BCL10: variants seen among roughly 807,000 people sequenced by gnomAD.
BCL10 encodes BCL10 immune signaling adaptor, also known as B-cell lymphoma/leukemia 10.
Under a neutral mutation model 19.2 loss-of-function variants are expected in BCL10, and 5 were observed. That is an observed-to-expected ratio of 0.26 (90% CI 0.14 to 0.55). BCL10 has a LOEUF of 0.55. Ranked by LOEUF, BCL10 falls within the 20% of genes least tolerant of loss-of-function variation. The pLI is 0.94. For synonymous variants in BCL10, 110 were observed against 98.8 expected (o/e 1.11, Z -0.67); for missense variants, 201 against 271.9 (o/e 0.74, Z 1.83).
At chr1:85,272,664 A>G (rs1395161324) in intron 1 of BCL10, among the ~76,000 whole-genome samples, 2 of 152,198 alleles carry the variant, frequency 1.3e-5, no homozygotes, top group Admixed American at 1.3e-4. Context: ...ATGGCTCTAA[A>G]GTTGGATCAA....
intron 1 of BCL10, among the ~76,000 whole-genome samples, chr1:85,271,222 A>T (rs1386007499): frequency 3.3e-5 from 5 of 152,218 alleles, no homozygotes; most frequent in Non-Finnish European, 7.3e-5. Context: ...GGGAGTAAAG[A>T]TGAGGGCAAA....
At position 85,276,416 on chromosome 1, in the gene BCL10, G is replaced by A. The variant is rs1164915528; in HGVS notation, c.-64C>T. ...GCTCGGGCTGCGCCGCCCCGCCCTG[G>A]CTGGGGGCTTCGGCCTCCGGGTAAT... On this transcript the variant is annotated 5_prime_UTR_variant, in exon 1 of 3. Transcript: ENST00000648566. The A allele has an allele frequency of 3.8e-6, 6 of 1,578,842 alleles. No individual in the cohort carries two copies. Among genetic ancestry groups the A allele is most frequent in the African/African-American group, 1.3e-5 (1 of 74,296 alleles).
chr1:85,267,549 G>T lies in BCL10; in HGVS notation c.*78C>A. On this transcript the variant is annotated 3_prime_UTR_variant, in exon 3 of 3. Coordinates refer to ENST00000648566, the MANE Select transcript of BCL10 (RefSeq NM_003921.5). ...AGACATGCATCAAATGTAAACAAAT[G>T]ATTACAGCCATTTTATAAAAAGTCA... 2 of 1,204,776 alleles carry T rather than the reference G, an allele frequency of 1.7e-6. No homozygotes were observed. Among genetic ancestry groups the T allele is most frequent in the South Asian group, 1.6e-5 (1 of 62,742 alleles). 74.6% of individuals were successfully genotyped at this position (1,204,776 alleles called of 1,614,324 possible).
chr1:85,267,969 G>C lies in BCL10; in HGVS notation c.360C>G (p.Ser120Arg). The change falls in exon 3 of 3, where the codon AGC becomes AGG. Residue 120 changes from serine to arginine, a missense_variant. Ser to Arg is a moderately radical substitution (Grantham distance 110, BLOSUM62 -1). Around this residue, in one of 3 missense-constraint regions of BCL10, gnomAD observed 126 missense variants for 136.6 expected, o/e 0.92. Coordinates refer to ENST00000648566, the MANE Select transcript of BCL10 (RefSeq NM_003921.5). ...KLEHLKGLKCSSCEPFPDGAT... is the reference protein window; with the variant it reads ...KLEHLKGLKCRSCEPFPDGAT... ...CTCCATCTGGAAAAGGTTCACAACT[G>C]CTACATTTTAGTCCTACAATAAAAT... is the stretch of plus-strand genomic sequence containing the variant. 1 of 1,556,888 alleles carries C rather than the reference G, an allele frequency of 6.4e-7. No homozygotes were observed. The highest frequency in any genetic ancestry group is 8.7e-7 in the Non-Finnish European group (1 of 1,152,164).
Position 85,270,075 on chromosome 1 carries a change from A to T in BCL10, c.346+543T>A, listed in dbSNP as rs567211151. ...CTTGAATAGATTAACTTTACATTCT[A>T]CTGACTTTAGAAACAAATCCTTATG... On this transcript the variant is annotated intron_variant, in intron 2 of 2. Coordinates refer to ENST00000648566, the MANE Select transcript of BCL10 (RefSeq NM_003921.5). Among the ~76,000 whole-genome samples the T allele has an allele frequency of 9.3e-4, 141 of 152,324 alleles. 1 individual carries two copies. In the Middle Eastern group the frequency reaches 0.01, roughly 11 times the overall value.
intron 1 of BCL10, among the ~76,000 whole-genome samples, chr1:85,272,079 A>T (rs1660381526): frequency 6.6e-6 from 1 of 152,158 alleles, no homozygotes; most frequent in Non-Finnish European, 1.5e-5. Flanking sequence ...AATACAGGAA[A>T]AGCACAGAGT....
rs1217774931 is a variant in BCL10 at position 85,267,849 on chromosome 1, G to A, written c.480C>T (p.Ser160=). 1 of 1,614,206 alleles carries A rather than the reference G, an allele frequency of 6.2e-7. No individual in the cohort carries two copies. Among genetic ancestry groups the A allele is most frequent in the Non-Finnish European group, 8.5e-7 (1 of 1,180,042 alleles). ...STVMYHPEGE[S]STTPFFSTNS... is the part of the protein sequence containing the mutation. ...TAGTAGAAAAAAAGGGCGTCGTGCT[G>A]GATTCTCCTTCTGGATGGTACATGA... Residue 160 remains serine, a synonymous_variant, in exon 3 of 3, where the codon TCC becomes TCT. Transcript: ENST00000648566.
In BCL10 at chr1:85,276,436, G is replaced by C; in HGVS notation, c.-84C>G. 2.0e-6 allele frequency: 3 copies of C among 1,486,066 alleles called. No homozygotes were observed. The highest frequency in any genetic ancestry group is 2.8e-6 in the Non-Finnish European group (3 of 1,067,808). The allele number at this position is 1,486,066 out of a possible 1,614,324, so 92.1% of individuals were successfully genotyped here. A position where few individuals can be genotyped will look rare whatever the true frequency, so the allele number is the denominator to read the frequency against. On this transcript the variant is annotated 5_prime_UTR_variant, in exon 1 of 3. Coordinates refer to ENST00000648566, the MANE Select transcript of BCL10 (RefSeq NM_003921.5). ...CCCTGGCTGGGGGCTTCGGCCTCCG[G>C]GTAATGGGGAAGAAGGAGAGGAGGC...
rs531677430 is a variant in BCL10 at position 85,266,527 on chromosome 1, A to T, written c.*1100T>A. 7 of 185,962 alleles carry T rather than the reference A, an allele frequency of 3.8e-5. 1 individual carries two copies. The highest frequency in any genetic ancestry group is 1.6e-4 in the African/African-American group (7 of 42,802). The allele number at this position is 185,962 out of a possible 1,614,324, so 11.5% of individuals were successfully genotyped here. On this transcript the variant is annotated 3_prime_UTR_variant, in exon 3 of 3. Coordinates refer to ENST00000648566, the MANE Select transcript of BCL10 (RefSeq NM_003921.5). ...AATTTGTTCCAGTTATTTCAACTGT[A>T]CATTGGTCCTCATTAAAAGAGAATG...
At position 85,267,707 on chromosome 1, in the gene BCL10, G is replaced by T; in HGVS notation, c.622C>A (p.Gln208Lys). 4 of 1,614,198 alleles carry T rather than the reference G, an allele frequency of 2.5e-6. No homozygotes were observed. The highest frequency in any genetic ancestry group is 3.4e-6 in the Non-Finnish European group (4 of 1,180,024). ...GCACAAGTTCCTTCTTCTTCTAACTGTAGATCTGGTGGCAAAGGAGGAGCC... is the reference window on the plus strand; with the variant it reads ...GCACAAGTTCCTTCTTCTTCTAACTTTAGATCTGGTGGCAAAGGAGGAGCC... ...PGAPPLPPDL[Q>K]LEEEGTCANS... Residue 208 changes from glutamine (Q) to lysine (K), a missense_variant, in exon 3 of 3, where the codon CAG becomes AAG. Around this residue, in one of 3 missense-constraint regions of BCL10, gnomAD observed 126 missense variants for 136.6 expected, o/e 0.92. Coordinates refer to ENST00000648566, the MANE Select transcript of BCL10 (RefSeq NM_003921.5).
At chr1:85,268,944 G>C (rs1387008312) in intron 2 of BCL10, among the ~76,000 whole-genome samples, 2 of 152,204 alleles carry the variant, frequency 1.3e-5, no homozygotes, top group Admixed American at 1.3e-4. Context: ...TGGTACGAAT[G>C]TATCCGCCAA....
At chr1:85,274,045 A>G (rs1467969919) in intron 1 of BCL10, among the ~76,000 whole-genome samples, 19 of 152,346 alleles carry the variant, frequency 1.2e-4, no homozygotes. Context: ...TATTCTGCCC[A>G]GAATGCTCTT....
chr1:85,271,789 T>C (rs1660375961), intron 1 of BCL10, among the ~76,000 whole-genome samples: 1 of 152,190 alleles, frequency 6.6e-6, no homozygotes, highest in South Asian at 2.1e-4. Context: ...GATCAATATA[T>C]GTTAGTAATA....
chr1:85,269,320 AGGGTAT>A (rs1197103168), intron 2 of BCL10, among the ~76,000 whole-genome samples: 15 of 152,264 alleles, frequency 9.9e-5, no homozygotes, highest in Admixed American at 5.9e-4. Flanking sequence ...TGATATCCAA[AGGGTAT>A]AGTTAACCAT....
chr1:85,270,390 A>G (rs1660337775), intron 2 of BCL10, among the ~76,000 whole-genome samples: 1 of 152,184 alleles, frequency 6.6e-6, no homozygotes, highest in Non-Finnish European at 1.5e-5. Flanking sequence ...CTCCCACCTC[A>G]GCCTCCTGAG....
chr1:85,270,587 A>G, intron 2 of BCL10, 31 bp downstream of exon 2: 2 of 1,567,186 alleles, frequency 1.3e-6, no homozygotes, highest in Non-Finnish European at 1.7e-6. Flanking sequence ...ATTACATTTA[A>G]ATTAGCTCTT....
chr1:85,268,467 T>C (rs923146601), intron 2 of BCL10, among the ~76,000 whole-genome samples: 2 of 152,164 alleles, frequency 1.3e-5, no homozygotes, highest in Non-Finnish European at 2.9e-5. Context: ...TAGTCTCTTA[T>C]TATTAAAGAC....
At chr1:85,270,523 C>T in intron 2 of BCL10, 95 bp downstream of exon 2, 2 of 1,133,478 alleles carry the variant, frequency 1.8e-6, no homozygotes, top group Non-Finnish European at 2.5e-6. Context: ...ATCCTCCTGC[C>T]TTGGCCTCCT....
chr1:85,276,468 G>A lies in BCL10; in HGVS notation c.-116C>T. On this transcript the variant is annotated 5_prime_UTR_variant, in exon 1 of 3. Transcript: ENST00000648566. ...GGGAAGAAGGAGAGGAGGCGGAGCG[G>A]GTCGGGAGAAAGACGGCCGCCCCTT... 2 of 1,249,716 alleles carry A rather than the reference G, an allele frequency of 1.6e-6. No individual in the cohort carries two copies. Among genetic ancestry groups the A allele is most frequent in the Non-Finnish European group, 2.3e-6 (2 of 872,176 alleles). 77.4% of individuals were successfully genotyped at this position (1,249,716 alleles called of 1,614,324 possible). A position where few individuals can be genotyped will look rare whatever the true frequency, so the allele number is the denominator to read the frequency against.
Sources: gnomAD v4.1 joint callset for allele counts (sites outside exome capture counted in the v4.1 genomes callset) on GRCh38, gnomAD v4.1.1 for gene constraint, gnomAD v4.1.1 regional missense constraint, MANE v1.5 for transcripts, NCBI Gene and HGNC (gene_info 2026-07-23, HGNC 2026-07-21) for gene names.